The following MIS18A variants were observed in gnomAD, a reference collection of about 807,000 sequenced individuals.
The protein encoded by MIS18A is MIS18 kinetochore protein A.
Under a neutral mutation model 25.0 loss-of-function variants are expected in MIS18A, and 14 were observed. That is an observed-to-expected ratio of 0.56 (90% CI 0.37 to 0.88). The LOEUF (loss-of-function observed/expected upper bound fraction) is 0.88. Among genes scored for constraint, MIS18A ranks in the 40% least tolerant of loss-of-function variants. The pLI is 0.00. For synonymous variants in MIS18A, 134 were observed against 118.6 expected (o/e 1.13, Z -0.84); for missense variants, 292 against 290.8 (o/e 1.00, Z -0.03).
intron 2 of MIS18A, among the ~76,000 whole-genome samples, chr21:32,274,357 AC>A (rs1390762807): frequency 6.6e-6 from 1 of 151,630 alleles, no homozygotes; most frequent in Non-Finnish European, 1.5e-5. Context: ...GGCCCGCACC[AC>A]CATGCCCGGC....
chr21:32,169,570 G>A, the MIS18A span, among the ~76,000 whole-genome samples: 2 of 152,114 alleles, frequency 1.3e-5, no homozygotes, highest in Non-Finnish European at 2.9e-5. Context: ...AAATATCTGA[G>A]AAAACCCTAA....
the MIS18A span, among the ~76,000 whole-genome samples, chr21:32,229,303 T>G: frequency 1.5e-4 from 23 of 152,230 alleles, no homozygotes; most frequent in African/African-American, 4.8e-4. Flanking sequence ...AGTTAGATGG[T>G]CTGCATCTGC....
chr21:32,252,236 AAGAAGGAGGAGGAGG>A, the MIS18A span, among the ~76,000 whole-genome samples: 201 of 36,810 alleles, frequency 5.5e-3, 1 homozygote, highest in Middle Eastern at 0.017. Flanking sequence ...GAAGAAGAAG[AAGAAGGAGGAGGAGG>A]AGGAGGAGGA....
At chr21:32,166,164 A>G in the MIS18A span, among the ~76,000 whole-genome samples, 1 of 152,194 alleles carries the variant, frequency 6.6e-6, no homozygotes, top group Non-Finnish European at 1.5e-5. Context: ...TACATGTACT[A>G]TGGTGATGGA....
At chr21:32,191,243 A>G in the MIS18A span, among the ~76,000 whole-genome samples, 10,738 of 152,290 alleles carry the variant, frequency 0.071, 543 homozygotes, top group South Asian at 0.16. Flanking sequence ...ATGAAAGCAC[A>G]GAAATTTACT....
At chr21:32,277,893 C>T (rs1442827153) in intron 1 of MIS18A, 2 of 152,150 alleles carry the variant, frequency 1.3e-5, no homozygotes, top group Non-Finnish European at 2.9e-5. Flanking sequence ...GTTCCAGAAA[C>T]GTCGATAAGC....
chr21:32,174,204 C>T, the MIS18A span, among the ~76,000 whole-genome samples: 1 of 151,912 alleles, frequency 6.6e-6, no homozygotes, highest in African/African-American at 2.4e-5. Flanking sequence ...ACCTCATGAT[C>T]CGCCCGCCTC....
rs557962061 is a variant in MIS18A at position 32,274,848 on chromosome 21, C to A, written c.383G>T (p.Arg128Leu). Residue 128 changes from arginine (R) to leucine (L), a missense_variant, in exon 2 of 5, where the codon CGT (arginine) becomes CTT (leucine). Coordinates refer to ENST00000290130, the MANE Select transcript of MIS18A (RefSeq NM_018944.3). ...SVDKEQKLSK[R>L]EKENGCVLET... is the part of the protein sequence containing the mutation. The stretch of plus-strand genomic sequence containing the variant: ...TACTCACCAACCATTTTCCTTTTCA[C>A]GTTTGGATAGCTTCTGTTCCTTATC... 1 of 1,612,384 alleles carries A rather than the reference C, an allele frequency of 6.2e-7. No individual in the cohort carries two copies. The highest frequency in any genetic ancestry group is 8.5e-7 in the Non-Finnish European group (1 of 1,178,800).
chr21:32,174,586 A>G, the MIS18A span, among the ~76,000 whole-genome samples: 31 of 152,316 alleles, frequency 2.0e-4, 1 homozygote, highest in East Asian at 5.0e-3. Context: ...ATACAACAAA[A>G]CTTGCATGTG....
In MIS18A at chr21:32,268,963, G is replaced by C; in HGVS notation, c.*74C>G. The C allele has an allele frequency of 1.0e-6, 1 of 978,258 alleles. No individual in the cohort carries two copies. The highest frequency in any genetic ancestry group is 1.9e-5 in the South Asian group (1 of 51,482). 60.6% of individuals were successfully genotyped at this position (978,258 alleles called of 1,614,324 possible). On this transcript the variant is annotated 3_prime_UTR_variant, in exon 5 of 5. Transcript: ENST00000290130. ...TTCTTTTTTTTTTTGTAGAGACGAC[G>C]TCTCACTATGTTGCTTCATTTAACA...
At chr21:32,203,939 G>A in the MIS18A span, among the ~76,000 whole-genome samples, 1 of 151,964 alleles carries the variant, frequency 6.6e-6, no homozygotes, top group African/African-American at 2.4e-5. Flanking sequence ...TTTGAAGAAT[G>A]GGTGAGCTTA....
the MIS18A span, among the ~76,000 whole-genome samples, chr21:32,159,917 TG>T: frequency 6.6e-6 from 1 of 152,086 alleles, no homozygotes; most frequent in Non-Finnish European, 1.5e-5. Context: ...AGAGAGCAGG[TG>T]GTAAATTGTT....
the MIS18A span, among the ~76,000 whole-genome samples, chr21:32,199,098 T>TA: frequency 6.6e-6 from 1 of 152,128 alleles, no homozygotes; most frequent in African/African-American, 2.4e-5. Flanking sequence ...GGGGTCAGGC[T>TA]AAAGTAGGCG....
chr21:32,210,015 G>GA, the MIS18A span, among the ~76,000 whole-genome samples: 6 of 152,192 alleles, frequency 3.9e-5, no homozygotes, highest in African/African-American at 7.2e-5. Context: ...TCAAGGCCAA[G>GA]AATGCAGCAG....
chr21:32,278,950 T>A lies in MIS18A; in HGVS notation c.65A>T (p.Lys22Met). The A allele has an allele frequency of 6.2e-7, 1 of 1,613,070 alleles. No individual in the cohort carries two copies. The highest frequency in any genetic ancestry group is 2.2e-5 in the East Asian group (1 of 44,854). ...GCAGGCECGD[K>M]GKCSDSSLLG... ...CAGCGAGGAGTCGCTGCATTTGCCC[T>A]TGTCGCCGCACTCACAGCCGCCAGC... is the stretch of plus-strand genomic sequence containing the variant. The change falls in exon 1 of 5, where the codon AAG becomes ATG. Residue 22 changes from lysine (K) to methionine (M), a missense_variant. Physicochemically the swap from Lys to Met is moderately conservative, Grantham distance 95. Transcript: ENST00000290130.
the MIS18A span, among the ~76,000 whole-genome samples, chr21:32,253,690 A>AGCCTTTGCTCC: frequency 3.3e-5 from 5 of 151,996 alleles, no homozygotes; most frequent in African/African-American, 1.2e-4. Context: ...CCCTTTGCAA[A>AGCCTTTGCTCC]GCCTTTGCTC....
chr21:32,160,925 C>T, the MIS18A span, among the ~76,000 whole-genome samples: 1 of 152,166 alleles, frequency 6.6e-6, no homozygotes, highest in Non-Finnish European at 1.5e-5. Context: ...GCCCCTGCGC[C>T]CGGCCAGTTG....
At chr21:32,159,482 T>A in the MIS18A span, among the ~76,000 whole-genome samples, 2 of 152,262 alleles carry the variant, frequency 1.3e-5, no homozygotes, top group Admixed American at 6.5e-5. Context: ...TTTGTCTTGG[T>A]CTGTGTTTTA....
chr21:32,159,109 G>A, the MIS18A span, among the ~76,000 whole-genome samples: 2 of 151,940 alleles, frequency 1.3e-5, no homozygotes, highest in African/African-American at 2.4e-5. Flanking sequence ...CAAAGATATT[G>A]TACCTCTAAT....
Sources: gnomAD v4.1 joint callset for allele counts (sites outside exome capture counted in the v4.1 genomes callset) on GRCh38, gnomAD v4.1.1 for gene constraint, MANE v1.5 for transcripts, NCBI Gene and HGNC (gene_info 2026-07-23, HGNC 2026-07-21) for gene names.